EPRS1: variants seen among roughly 807,000 people sequenced by gnomAD.
EPRS1 encodes glutamyl-prolyl-tRNA synthetase 1, also known as bifunctional glutamate/proline--tRNA ligase.
In EPRS1, 107 loss-of-function variants were observed where a neutral mutation model predicts 188.3. The ratio of observed to expected loss-of-function variants is 0.57; its 90% CI spans 0.49 to 0.67. EPRS1 has a LOEUF of 0.67. EPRS1 is among the 30% of genes least tolerant of loss of function. EPRS1 has a pLI of 0.00. For missense variants in EPRS1, 1,577 were observed against 1,802.2 expected, an observed-to-expected ratio of 0.88 and a Z score of 2.26; for synonymous variants, 596 against 593.1, an observed-to-expected ratio of 1.00 and a Z score of -0.07.
intron 1 of EPRS1, among the ~76,000 whole-genome samples, chr1:220,041,925 C>A (rs1304377742): frequency 6.6e-6 from 1 of 152,036 alleles, no homozygotes; most frequent in Non-Finnish European, 1.5e-5. Flanking sequence ...AAGGAAGGTG[C>A]AAAATAAACC....
At chr1:219,984,331 A>G (rs1320647146) in intron 20 of EPRS1, 74 bp from the exon 21 acceptor site, 3 of 1,019,662 alleles carry the variant, frequency 2.9e-6, no homozygotes, top group East Asian at 2.4e-5. Flanking sequence ...ATAAACCTCT[A>G]AAGTTCAAAA....
At chr1:220,027,861 T>A (rs116083593) in intron 6 of EPRS1, among the ~76,000 whole-genome samples, 2,934 of 151,554 alleles carry the variant, frequency 0.019, 86 homozygotes, top group African/African-American at 0.059. Flanking sequence ...TTAAAAATTT[T>A]TTAAAAAAAG....
intron 2 of EPRS1, among the ~76,000 whole-genome samples, chr1:220,036,122 C>T (rs1202234448): frequency 6.6e-6 from 1 of 152,164 alleles, no homozygotes; most frequent in African/African-American, 2.4e-5. Flanking sequence ...ACTGCTTGAA[C>T]CCGGGAAGTG....
intron 13 of EPRS1, among the ~76,000 whole-genome samples, chr1:220,010,671 G>A (rs1456550838): frequency 1.3e-5 from 2 of 151,932 alleles, no homozygotes; most frequent in East Asian, 1.9e-4. Context: ...TTAGCTAGGC[G>A]TAGTGGGGGG....
At position 220,040,168 on chromosome 1, in the gene EPRS1, A is replaced by C; in HGVS notation, c.131+17T>G. 6.6e-7 allele frequency: 1 copy of C among 1,520,854 alleles called. No individual in the cohort carries two copies. Among genetic ancestry groups the C allele is most frequent in the Non-Finnish European group, 9.0e-7 (1 of 1,107,090 alleles). 94.2% of individuals were successfully genotyped at this position (1,520,854 alleles called of 1,614,324 possible). ...AAAGCCAATCAGTACTGAAAATAAA[A>C]AGATGAAAACACTTACTCAGAAACA... On this transcript the variant is annotated intron_variant, in intron 2 of 31. Transcript: ENST00000366923.
At chr1:220,030,289 A>G in intron 6 of EPRS1, 97 bp downstream of exon 6, 1 of 738,820 alleles carries the variant, frequency 1.4e-6, no homozygotes, top group South Asian at 1.8e-5. Context: ...ATGTTCTTCT[A>G]TATTATTAAC....
intron 17 of EPRS1, among the ~76,000 whole-genome samples, chr1:220,000,036 C>T (rs565550529): frequency 6.6e-6 from 1 of 152,258 alleles, no homozygotes; most frequent in South Asian, 2.1e-4. Context: ...TGCTACCCAG[C>T]CACCATCTGA....
At chr1:220,032,299 G>A (rs1662101024) in intron 5 of EPRS1, 88 bp downstream of exon 5, 3 of 1,022,182 alleles carry the variant, frequency 2.9e-6, no homozygotes, top group Non-Finnish European at 4.2e-6. Flanking sequence ...TGTTATTCAG[G>A]ATGGTCTCAA....
intron 19 of EPRS1, among the ~76,000 whole-genome samples, chr1:219,987,922 T>C (rs902486073): frequency 1.3e-5 from 2 of 152,194 alleles, no homozygotes; most frequent in Non-Finnish European, 2.9e-5. Flanking sequence ...GACAATATTG[T>C]TATAGCATAT....
intron 18 of EPRS1, among the ~76,000 whole-genome samples, chr1:219,995,173 C>T (rs1363070657): frequency 6.6e-6 from 1 of 152,090 alleles, no homozygotes; most frequent in Non-Finnish European, 1.5e-5. Flanking sequence ...AAGTACCTGC[C>T]CAATTACCAA....
At chr1:220,040,592 T>C (rs866063507) in intron 1 of EPRS1, among the ~76,000 whole-genome samples, 3 of 152,214 alleles carry the variant, frequency 2.0e-5, no homozygotes, top group Non-Finnish European at 4.4e-5. Flanking sequence ...GGCTCATGCC[T>C]ATAATCCCAG....
chr1:219,992,681 C>G (rs1370149137), intron 18 of EPRS1, among the ~76,000 whole-genome samples: 13 of 152,106 alleles, frequency 8.5e-5, no homozygotes, highest in Non-Finnish European at 1.6e-4. Context: ...AATCCCAGCA[C>G]TTTGGGAGGC....
Position 220,005,303 on chromosome 1 carries a change from T to C in EPRS1, c.2008A>G (p.Ile670Val). The change falls in exon 16 of 32, where the codon ATA (isoleucine) becomes GTA (valine). Residue 670 changes from isoleucine (I) to valine (V), a missense_variant. Physicochemically the swap from Ile to Val is conservative, Grantham distance 29. This residue lies in a region of EPRS1 where 1,278 missense variants were observed against 1,457.4 expected (regional missense o/e 0.88). Coordinates refer to ENST00000366923, the MANE Select transcript of EPRS1 (RefSeq NM_004446.3). ...CLKDLKKGDIIQLQRRGFFIC... is the reference protein window; with the variant it reads ...CLKDLKKGDIVQLQRRGFFIC... Reference sequence around the variant, plus strand: ...AAGAATCCTCTTCTCTGGAGTTGTATAATATCTCCTTTTTTCAAATCCTTA... The same window carrying C: ...AAGAATCCTCTTCTCTGGAGTTGTACAATATCTCCTTTTTTCAAATCCTTA... 1 of 1,600,228 alleles carries C rather than the reference T, an allele frequency of 6.2e-7. No individual in the cohort carries two copies. The highest frequency in any genetic ancestry group is 8.5e-7 in the Non-Finnish European group (1 of 1,172,662).
In EPRS1 at chr1:220,030,428, T is replaced by C; in HGVS notation, c.581A>G (p.Glu194Gly). ...AAATCTGACGGTAACCTTTCCCATCTCCGCACCTGGAAGCTCAACAAATTT... is the reference window on the plus strand; with the variant it reads ...AAATCTGACGGTAACCTTTCCCATCCCCGCACCTGGAAGCTCAACAAATTT... ...VGKFVELPGA[E>G]MGKVTVRFPP... The change falls in exon 6 of 32, where the codon GAG (glutamate) becomes GGG (glycine). Residue 194 changes from glutamate (E) to glycine (G), a missense_variant. Transcript: ENST00000366923. 6.2e-7 allele frequency: 1 copy of C among 1,614,144 alleles called. No individual in the cohort carries two copies. Among genetic ancestry groups the C allele is most frequent in the African/African-American group, 1.3e-5 (1 of 75,044 alleles).
intron 12 of EPRS1, 71 bp downstream of exon 12, chr1:220,018,378 T>G: frequency 8.3e-7 from 1 of 1,211,184 alleles, no homozygotes; most frequent in Non-Finnish European, 1.2e-6. Context: ...ATGAGCACAG[T>G]AATGACTTCT....
At chr1:219,989,933 G>C (rs751277449) in intron 18 of EPRS1, among the ~76,000 whole-genome samples, 1 of 151,882 alleles carries the variant, frequency 6.6e-6, no homozygotes, top group Non-Finnish European at 1.5e-5. Flanking sequence ...AAGTTAATCA[G>C]ACATATGAGA....
chr1:219,974,181 TG>T (rs1202401176), intron 28 of EPRS1, among the ~76,000 whole-genome samples: 3 of 152,182 alleles, frequency 2.0e-5, no homozygotes, highest in African/African-American at 7.2e-5. Flanking sequence ...TGGCCTCAAC[TG>T]ATCTGCCGGC....
chr1:219,969,222 G>A (rs1334462392), intron 30 of EPRS1, 100 bp from the exon 31 acceptor site: 1 of 845,124 alleles, frequency 1.2e-6, no homozygotes, highest in Non-Finnish European at 1.9e-6. Context: ...AAGCAAAAAG[G>A]ATAGGTCTCC....
intron 28 of EPRS1, among the ~76,000 whole-genome samples, chr1:219,975,430 G>C (rs1660757880): frequency 6.6e-6 from 1 of 152,236 alleles, no homozygotes; most frequent in Non-Finnish European, 1.5e-5. Flanking sequence ...TCCTGCGGTG[G>C]TTTTTGTTGT....
Sources: gnomAD v4.1 joint callset for allele counts (sites outside exome capture counted in the v4.1 genomes callset) on GRCh38, gnomAD v4.1.1 for gene constraint, gnomAD v4.1.1 regional missense constraint, MANE v1.5 for transcripts, NCBI Gene and HGNC (gene_info 2026-07-23, HGNC 2026-07-21) for gene names.